The following YOD1 variants were observed in gnomAD, a reference collection of about 807,000 sequenced individuals.
YOD1 encodes YOD1 deubiquitinase.
Under a neutral mutation model 23.7 loss-of-function variants are expected in YOD1, and 17 were observed. The ratio of observed to expected loss-of-function variants is 0.72; its 90% CI spans 0.49 to 1.07. The LOEUF is 1.07. YOD1 is among the 50% of genes least tolerant of loss of function. The pLI is 0.00. For synonymous variants in YOD1, 191 were observed against 169.6 expected, an observed-to-expected ratio of 1.13 and a Z score of -0.98; for missense variants, 413 against 447.2, an observed-to-expected ratio of 0.92 and a Z score of 0.69.
Position 207,045,007 on chromosome 1 carries a change from C to A in YOD1, c.*4013G>T, listed in dbSNP as rs1251134225. The A allele has an allele frequency of 6.6e-6, 1 of 152,432 alleles. No homozygotes were observed. The allele number at this position is 152,432 out of a possible 1,614,324, so 9.4% of individuals were successfully genotyped here. On this transcript the variant is annotated 3_prime_UTR_variant, in exon 2 of 2. Transcript: ENST00000315927. ...CCCACAACCAGGGACACTTAATATT[C>A]TTTTTATGTGGAATGAAATGTGCTG...
chr1:207,050,527 G>A (rs879496979), intron 1 of YOD1, among the ~76,000 whole-genome samples, 161 bp downstream of exon 1: 1 of 152,120 alleles, frequency 6.6e-6, no homozygotes, highest in African/African-American at 2.4e-5. Flanking sequence ...CACTTGCCCT[G>A]GCCCCCGTCA....
In YOD1 at chr1:207,051,076, G is replaced by A; in HGVS notation, c.-46C>T. The A allele has an allele frequency of 6.8e-7, 1 of 1,461,524 alleles. No homozygotes were observed. Among genetic ancestry groups the A allele is most frequent in the East Asian group, 2.5e-5 (1 of 40,112 alleles). 90.5% of individuals were successfully genotyped at this position (1,461,524 alleles called of 1,614,324 possible). A position where few individuals can be genotyped will look rare whatever the true frequency, so the allele number is the denominator to read the frequency against. The stretch of plus-strand genomic sequence containing the variant: ...TGCAGTTATCGCGACGCTTCGGTGC[G>A]GCTTCTGCCTTAGTACCTTAGCAAG... On this transcript the variant is annotated 5_prime_UTR_variant, in exon 1 of 2. Transcript: ENST00000315927.
Position 207,044,086 on chromosome 1 carries a change from G to A in YOD1, c.*4934C>T, listed in dbSNP as rs1682535829. On this transcript the variant is annotated 3_prime_UTR_variant, in exon 2 of 2. Coordinates refer to ENST00000315927, the MANE Select transcript of YOD1 (RefSeq NM_018566.4). ...AGAAAACACTGTCCATCTGCATTAA[G>A]AAAAAATATTTTCTTATGCTGTTTT... The A allele has an allele frequency of 6.6e-6, 1 of 152,374 alleles. No individual in the cohort carries two copies. The highest frequency in any genetic ancestry group is 2.4e-5 in the African/African-American group (1 of 41,418). 9.4% of individuals were successfully genotyped at this position (152,374 alleles called of 1,614,324 possible).
chr1:207,050,751 G>C lies in YOD1; in HGVS notation c.280C>G (p.Pro94Ala). The change falls in exon 1 of 2, where the codon CCT becomes GCT. Residue 94 changes from proline (P) to alanine (A), a missense_variant. Pro to Ala is a conservative substitution (Grantham distance 27). Coordinates refer to ENST00000315927, the MANE Select transcript of YOD1 (RefSeq NM_018566.4). The part of the protein sequence containing the change: ...PGGQRILVGY[P>A]PECLDLSNGD... Reference sequence around the variant, plus strand: ...TTGCTGAGATCCAGGCACTCGGGAGGGTATCCGACGAGGATTCGCTGACCG... The same window carrying C: ...TTGCTGAGATCCAGGCACTCGGGAGCGTATCCGACGAGGATTCGCTGACCG... The C allele has an allele frequency of 6.2e-7, 1 of 1,613,382 alleles. No homozygotes were observed. The highest frequency in any genetic ancestry group is 1.7e-5 in the Admixed American group (1 of 60,032).
Position 207,049,073 on chromosome 1 carries a change from C to G in YOD1, c.994G>C (p.Glu332Gln), listed in dbSNP as rs777531418. The G allele has an allele frequency of 6.8e-6, 11 of 1,613,874 alleles. No individual in the cohort carries two copies. The East Asian group carries it at 8.9e-5, about 13-fold the overall frequency. ...GTCTCCTTGGCATGTTCCCTTGCTT[C>G]TGCTTGTCCAGTTAATCCTTTCTGA... ...VCQKGLTGQAEAREHAKETGH... is the reference protein window; with the variant it reads ...VCQKGLTGQAQAREHAKETGH... Residue 332 changes from glutamate (E) to glutamine (Q), a missense_variant, in exon 2 of 2, where the codon GAA becomes CAA. Transcript: ENST00000315927.
At position 207,044,811 on chromosome 1, in the gene YOD1, GC is replaced by G. The variant is rs1001459953; in HGVS notation, c.*4208del. 1 of 152,344 alleles carries G rather than the reference GC, an allele frequency of 6.6e-6. No homozygotes were observed. Among genetic ancestry groups the G allele is most frequent in the African/African-American group, 2.4e-5 (1 of 41,376 alleles). The allele number at this position is 152,344 out of a possible 1,614,324, so 9.4% of individuals were successfully genotyped here. ...TTATCAGTGGTACTTTGTCTTCTTG[GC>G]CCTTTTCTCCCTTCACTCTACCATG... is the stretch of plus-strand genomic sequence containing the variant. On this transcript the variant is annotated 3_prime_UTR_variant, in exon 2 of 2. Coordinates refer to ENST00000315927, the MANE Select transcript of YOD1 (RefSeq NM_018566.4).
Position 207,045,991 on chromosome 1 carries a change from A to T in YOD1, c.*3029T>A, listed in dbSNP as rs1050228521. ...CCATTAGCAAAAGATGGAACACACTAATGTCTTCACTTGGCTAACACATCA... is the reference window on the plus strand; with the variant it reads ...CCATTAGCAAAAGATGGAACACACTTATGTCTTCACTTGGCTAACACATCA... On this transcript the variant is annotated 3_prime_UTR_variant, in exon 2 of 2. Transcript: ENST00000315927. 6.6e-6 allele frequency: 1 copy of T among 152,018 alleles called. No homozygotes were observed. Among genetic ancestry groups the T allele is most frequent in the Admixed American group, 6.5e-5 (1 of 15,268 alleles). The allele number at this position is 152,018 out of a possible 1,614,324, so 9.4% of individuals were successfully genotyped here. A position where few individuals can be genotyped will look rare whatever the true frequency, so the allele number is the denominator to read the frequency against.
In YOD1 at chr1:207,048,889, A is replaced by T; in HGVS notation, c.*131T>A. On this transcript the variant is annotated 3_prime_UTR_variant, in exon 2 of 2. Transcript: ENST00000315927. ...TCTTAACAAGGAATTTCAGTGTCTTAGTGGTTTTAAGTTAAAAGGATGGTT... is the reference window on the plus strand; with the variant it reads ...TCTTAACAAGGAATTTCAGTGTCTTTGTGGTTTTAAGTTAAAAGGATGGTT... 2.5e-6 allele frequency: 2 copies of T among 810,522 alleles called. No individual in the cohort carries two copies. The highest frequency in any genetic ancestry group is 1.7e-5 in the South Asian group (1 of 58,096). The allele number at this position is 810,522 out of a possible 1,614,324, so 50.2% of individuals were successfully genotyped here. A position where few individuals can be genotyped will look rare whatever the true frequency, so the allele number is the denominator to read the frequency against.
In YOD1 at chr1:207,045,388, T is replaced by A. The variant is rs1288436211; in HGVS notation, c.*3632A>T. 1 of 152,542 alleles carries A rather than the reference T, an allele frequency of 6.6e-6. No homozygotes were observed. Among genetic ancestry groups the A allele is most frequent in the Non-Finnish European group, 1.5e-5 (1 of 67,934 alleles). The allele number at this position is 152,542 out of a possible 1,614,324, so 9.4% of individuals were successfully genotyped here. On this transcript the variant is annotated 3_prime_UTR_variant, in exon 2 of 2. Transcript: ENST00000315927. ...AACACCAGAATGTTGTGCCAATAGA[T>A]ACACTCTACACTGATGGCAATCTTT...
chr1:207,047,360 C>G lies in YOD1; in HGVS notation c.*1660G>C, dbSNP rs1245645919. ...TGAATTGTTCCTTAAAAGTTCTTTTCTCTTATATTGTTCAAATGTTCCTTA... is the reference window on the plus strand; with the variant it reads ...TGAATTGTTCCTTAAAAGTTCTTTTGTCTTATATTGTTCAAATGTTCCTTA... On this transcript the variant is annotated 3_prime_UTR_variant, in exon 2 of 2. Coordinates refer to ENST00000315927, the MANE Select transcript of YOD1 (RefSeq NM_018566.4). 1.3e-5 allele frequency: 2 copies of G among 152,496 alleles called. No individual in the cohort carries two copies. The highest frequency in any genetic ancestry group is 2.4e-5 in the African/African-American group (1 of 41,446). 9.4% of individuals were successfully genotyped at this position (152,496 alleles called of 1,614,324 possible). A position where few individuals can be genotyped will look rare whatever the true frequency, so the allele number is the denominator to read the frequency against.
upstream of YOD1, chr1:207,053,057 G>T (rs1281839374): frequency 6.6e-6 from 1 of 152,206 alleles, no homozygotes; most frequent in African/African-American, 2.4e-5. Flanking sequence ...AAGCAACAGT[G>T]CCACCAGGCT....
chr1:207,051,193 TA>T lies in YOD1; in HGVS notation c.-164del. The stretch of plus-strand genomic sequence containing the variant: ...ATTCCTAAAGGACAACGGGTCTTGC[TA>T]CCTATAGAGCGAGTGAGGTGCCCTC... On this transcript the variant is annotated 5_prime_UTR_variant, in exon 1 of 2. Coordinates refer to ENST00000315927, the MANE Select transcript of YOD1 (RefSeq NM_018566.4). 3.7e-6 allele frequency: 5 copies of T among 1,360,588 alleles called. No individual in the cohort carries two copies. Among genetic ancestry groups the T allele is most frequent in the Non-Finnish European group, 4.8e-6 (5 of 1,044,288 alleles). The allele number at this position is 1,360,588 out of a possible 1,614,324, so 84.3% of individuals were successfully genotyped here. A position where few individuals can be genotyped will look rare whatever the true frequency, so the allele number is the denominator to read the frequency against.
upstream of YOD1, chr1:207,052,278 A>G (rs776216880): frequency 2.1e-5 from 33 of 1,559,248 alleles, no homozygotes; most frequent in Non-Finnish European, 2.9e-5. Context: ...TGCTGGTGCA[A>G]TTTTCCTCCT....
Position 207,050,950 on chromosome 1 carries a change from G to A in YOD1, c.81C>T (p.Ala27=), listed in dbSNP as rs778669007. ...GFPGGVSQQA[A]GTKAGPAGAW... ...CACCCGCGGGGCCAGCTTTGGTCCC[G>A]GCAGCCTGTTGGGAGACGCCGCCGG... Residue 27 remains alanine, a synonymous_variant, in exon 1 of 2, where the codon GCC becomes GCT. Transcript: ENST00000315927. The A allele has an allele frequency of 4.6e-5, 73 of 1,572,136 alleles. 1 individual carries two copies. The highest frequency in any genetic ancestry group is 3.9e-4 in the South Asian group (34 of 87,956).
Position 207,049,407 on chromosome 1 carries a change from T to TC in YOD1, c.659dup (p.Gly221ArgfsTer15). 6.2e-7 allele frequency: 1 copy of TC among 1,614,198 alleles called. No homozygotes were observed. ...ACAAAATCGATATCTCTATTGCTCC[T>TC]CCCCAAGTGTCATCCCTTTTGATCC... On this transcript the variant is annotated frameshift_variant, in exon 2 of 2. Transcript: ENST00000315927. LOFTEE classifies it high-confidence loss of function.
At chr1:207,049,813 G>C in intron 1 of YOD1, 90 bp from the exon 2 acceptor site, 4 of 1,241,532 alleles carry the variant, frequency 3.2e-6, no homozygotes, top group Non-Finnish European at 4.4e-6. Flanking sequence ...ACAAACTGAA[G>C]GAGTTAAAGC....
Position 207,044,612 on chromosome 1 carries a change from G to T in YOD1, c.*4408C>A, listed in dbSNP as rs921856979. On this transcript the variant is annotated 3_prime_UTR_variant, in exon 2 of 2. Transcript: ENST00000315927. ...GTATAAAAGGGCATCATGGCAAAAT[G>T]CTTATAATTCATGGTTTCATACTTT... is the stretch of plus-strand genomic sequence containing the variant. The T allele has an allele frequency of 6.6e-6, 1 of 152,232 alleles. No individual in the cohort carries two copies. Among genetic ancestry groups the T allele is most frequent in the Admixed American group, 6.6e-5 (1 of 15,264 alleles). 9.4% of individuals were successfully genotyped at this position (152,232 alleles called of 1,614,324 possible). A position where few individuals can be genotyped will look rare whatever the true frequency, so the allele number is the denominator to read the frequency against.
rs1257167658 is a variant in YOD1 at position 207,049,588 on chromosome 1, C to T, written c.479G>A (p.Cys160Tyr). 1 of 1,614,122 alleles carries T rather than the reference C, an allele frequency of 6.2e-7. No individual in the cohort carries two copies. Among genetic ancestry groups the T allele is most frequent in the Non-Finnish European group, 8.5e-7 (1 of 1,180,022 alleles). The change falls in exon 2 of 2, where the codon TGC becomes TAC. Residue 160 changes from cysteine to tyrosine, a missense_variant. Cys to Tyr is a radical substitution (Grantham distance 194). Coordinates refer to ENST00000315927, the MANE Select transcript of YOD1 (RefSeq NM_018566.4). ...TRTVVPADNS[C>Y]LFTSVYYVVE... is the part of the protein sequence containing the mutation. ...GACATAGTACACACTAGTAAAGAGG[C>T]AAGAGTTGTCTGCTGGGACCACGGT...
In YOD1 at chr1:207,049,374, A is replaced by G. The variant is rs376903734; in HGVS notation, c.693T>C (p.Phe231=). Residue 231 remains phenylalanine (F), a synonymous_variant, in exon 2 of 2, where the codon TTT becomes TTC. Transcript: ENST00000315927. ...CCACTACACATATTTCACATTGGTA[A>G]AACTTGGACAAAATCGATATCTCTA... The part of the protein sequence containing the change: ...GAIEISILSK[F]YQCEICVVDT... 6 of 1,614,054 alleles carry G rather than the reference A, an allele frequency of 3.7e-6. No homozygotes were observed. Among genetic ancestry groups the G allele is most frequent in the African/African-American group, 2.7e-5 (2 of 74,898 alleles).
Sources: allele counts gnomAD v4.1 joint callset (sites outside exome capture counted in the v4.1 genomes callset), GRCh38; gene constraint gnomAD v4.1.1; transcripts MANE v1.5; gene names NCBI Gene and HGNC (gene_info 2026-07-23, HGNC 2026-07-21).